The following SLC26A9 variants were observed in gnomAD, a reference collection of about 807,000 sequenced individuals.
SLC26A9 encodes solute carrier family 26 member 9.
SLC26A9 carries 46 observed loss-of-function variants against 87.1 expected under a neutral mutation model. The observed-to-expected ratio is 0.53, with a 90% CI of 0.42 to 0.67. SLC26A9 has a LOEUF of 0.67. Ranked by LOEUF, SLC26A9 falls within the 30% of genes least tolerant of loss-of-function variation. The pLI is 0.00. For missense variants in SLC26A9, 927 were observed against 1,018.3 expected, an observed-to-expected ratio of 0.91 and a Z score of 1.22; for synonymous variants, 437 against 409.1, an observed-to-expected ratio of 1.07 and a Z score of -0.82.
At chr1:205,936,498 T>G (rs1659515251) in intron 1 of SLC26A9, among the ~76,000 whole-genome samples, 1 of 152,046 alleles carries the variant, frequency 6.6e-6, no homozygotes. Flanking sequence ...CTGCCGCTCC[T>G]CTCCTCCTCA....
intron 2 of SLC26A9, 166 bp downstream of exon 2, chr1:205,935,530 G>T: frequency 9.0e-7 from 1 of 1,105,438 alleles, no homozygotes; most frequent in Non-Finnish European, 1.3e-6. Context: ...GGGGGTCTCA[G>T]TACAGATGAG....
intron 18 of SLC26A9, 144 bp from the exon 19 acceptor site, chr1:205,919,129 A>G (rs1658717141): frequency 2.0e-6 from 2 of 1,020,522 alleles, no homozygotes; most frequent in Non-Finnish European, 2.9e-6. Flanking sequence ...TGGCATTGGC[A>G]GTGCAATATC....
chr1:205,922,024 C>T (rs1449928107), intron 16 of SLC26A9, among the ~76,000 whole-genome samples, 177 bp from the exon 17 acceptor site: 1 of 152,196 alleles, frequency 6.6e-6, no homozygotes, highest in Non-Finnish European at 1.5e-5. Flanking sequence ...CTTTCTTAGG[C>T]AGGGCCTGCA....
intron 16 of SLC26A9, 68 bp downstream of exon 16, chr1:205,923,013 GA>G: frequency 6.8e-7 from 1 of 1,469,202 alleles, no homozygotes; most frequent in African/African-American, 1.4e-5. Context: ...AGGGTACCAT[GA>G]GTAACAGGGG....
At chr1:205,930,529 A>G (rs1261649682) in intron 5 of SLC26A9, among the ~76,000 whole-genome samples, 1 of 152,122 alleles carries the variant, frequency 6.6e-6, no homozygotes, top group Non-Finnish European at 1.5e-5. Flanking sequence ...GTCTCCCAAC[A>G]GGTCCCCTGC....
rs151247111 is a variant in SLC26A9 at position 205,930,682 on chromosome 1, G to T, written c.553-626C>A. Reference sequence around the variant, plus strand: ...CTGCCTACTTTTCCATCCTCTTCTGGGCCCTCTACCCTCCAGCCACACCAA... The same window carrying T: ...CTGCCTACTTTTCCATCCTCTTCTGTGCCCTCTACCCTCCAGCCACACCAA... On this transcript the variant is annotated intron_variant, in intron 5 of 20. Coordinates refer to ENST00000367135, the MANE Select transcript of SLC26A9 (RefSeq NM_052934.4). 7.9e-5 allele frequency among the ~76,000 whole-genome samples: 12 copies of T among 152,100 alleles called. 1 individual carries two copies. The highest frequency in any genetic ancestry group is 2.2e-4 in the African/African-American group (9 of 41,462).
At chr1:205,927,371 G>A in intron 10 of SLC26A9, 83 bp from the exon 11 acceptor site, 1 of 1,564,814 alleles carries the variant, frequency 6.4e-7, no homozygotes, top group African/African-American at 1.4e-5. Flanking sequence ...CTTTGGTGGA[G>A]TGGAGACTAA....
In SLC26A9 at chr1:205,915,381, G is replaced by T; in HGVS notation, c.2352C>A (p.His784Gln). Residue 784 changes from histidine to glutamine, a missense_variant, in exon 21 of 21, where the codon CAC (histidine) becomes CAA (glutamine). By Grantham distance (24) the His-to-Gln change is conservative. Coordinates refer to ENST00000367135, the MANE Select transcript of SLC26A9 (RefSeq NM_052934.4). ...LEQEMFGSMF[H>Q]AETLTAL ...CTCACAGGGCGGTCAGGGTCTCTGC[G>T]TGAAACATGCTCCCGAACATCTCCT... The T allele has an allele frequency of 6.2e-7, 1 of 1,614,128 alleles. No individual in the cohort carries two copies. Among genetic ancestry groups the T allele is most frequent in the Non-Finnish European group, 8.5e-7 (1 of 1,180,016 alleles).
chr1:205,942,787 C>T (rs1659804804), intron 1 of SLC26A9, among the ~76,000 whole-genome samples: 1 of 152,346 alleles, frequency 6.6e-6, no homozygotes, highest in South Asian at 2.1e-4. Flanking sequence ...TCCCACTCCT[C>T]AGTTTCCTCC....
rs375839810 is a variant in SLC26A9 at position 205,923,171 on chromosome 1, A to G, written c.1684T>C (p.Leu562=). The part of the protein sequence containing the change: ...AKTGMDPQKV[L]LAKQKYLKKQ... ...TTGAGGTATTTTTGCTTGGCTAGTA[A>G]TACTTTCTGGGGGTCCATGCCTGTC... Residue 562 remains leucine (L), a synonymous_variant, in exon 16 of 21, where the codon TTA becomes CTA. Coordinates refer to ENST00000367135, the MANE Select transcript of SLC26A9 (RefSeq NM_052934.4). 1.7e-5 allele frequency: 27 copies of G among 1,613,866 alleles called. No homozygotes were observed. Among genetic ancestry groups the G allele is most frequent in the Non-Finnish European group, 2.3e-5 (27 of 1,180,024 alleles).
chr1:205,923,098 A>G lies in SLC26A9; in HGVS notation c.1757T>C (p.Leu586Pro). 1.2e-6 allele frequency: 2 copies of G among 1,613,770 alleles called. No individual in the cohort carries two copies. The highest frequency in any genetic ancestry group is 1.7e-6 in the Non-Finnish European group (2 of 1,179,734). Reference protein sequence around the residue: ...RMRPTQQRRSLFMKTKTVSLQ... With the variant: ...RMRPTQQRRSPFMKTKTVSLQ... ...TTCATTCACCTTGGTTTTCATGAAT[A>G]GAGACCTCCTCTGTTGTGTGGGCCT... The change falls in exon 16 of 21, where the codon CTA becomes CCA. Residue 586 changes from leucine (L) to proline (P), a missense_variant. Leu to Pro is a moderately conservative substitution (Grantham distance 98, BLOSUM62 -3). Coordinates refer to ENST00000367135, the MANE Select transcript of SLC26A9 (RefSeq NM_052934.4).
At chr1:205,923,720 G>A in intron 13 of SLC26A9, 107 bp from the exon 14 acceptor site, 1 of 1,187,266 alleles carries the variant, frequency 8.4e-7, no homozygotes, top group Non-Finnish European at 1.2e-6. Context: ...ATGGGGTCCT[G>A]TCCTCACCCC....
intron 16 of SLC26A9, among the ~76,000 whole-genome samples, chr1:205,922,258 T>A (rs559310163): frequency 1.3e-5 from 2 of 152,198 alleles, no homozygotes; most frequent in Admixed American, 1.3e-4. Flanking sequence ...TGCCTCAGCC[T>A]CCTGAGTAGC....
intron 1 of SLC26A9, among the ~76,000 whole-genome samples, chr1:205,938,078 C>T (rs888989147): frequency 6.6e-6 from 1 of 152,014 alleles, no homozygotes. Context: ...GAGTTATTAG[C>T]ATCTGATTCC....
Position 205,929,898 on chromosome 1 carries a change from G to T in SLC26A9, c.711C>A (p.Ile237=). Residue 237 remains isoleucine, a synonymous_variant, in exon 6 of 21, where the codon ATC becomes ATA. Transcript: ENST00000367135. ...TIPSYTGPGS[I]VFTFIDICKN... is the part of the protein sequence containing the mutation. ...GGTGCATCCCCAGACTCACAAAGAC[G>T]ATGGACCCTGGGCCTGTGTAGGAGG... 6.3e-7 allele frequency: 1 copy of T among 1,592,098 alleles called. No homozygotes were observed. Among genetic ancestry groups the T allele is most frequent in the Non-Finnish European group, 8.6e-7 (1 of 1,162,376 alleles).
chr1:205,935,505 C>T, intron 2 of SLC26A9, 191 bp downstream of exon 2: 5 of 778,312 alleles, frequency 6.4e-6, no homozygotes, highest in Admixed American at 3.0e-5. Context: ...CTTGCTCCTG[C>T]TCCCCATCCT....
At chr1:205,919,099 C>T in intron 18 of SLC26A9, 114 bp from the exon 19 acceptor site, 1 of 1,325,994 alleles carries the variant, frequency 7.5e-7, no homozygotes, top group Non-Finnish European at 1.1e-6. Flanking sequence ...GGTCCCAGCT[C>T]TTGCTGTATC....
At chr1:205,925,070 G>A (rs930625308) in intron 12 of SLC26A9, among the ~76,000 whole-genome samples, 2 of 152,208 alleles carry the variant, frequency 1.3e-5, no homozygotes, top group Non-Finnish European at 2.9e-5. Flanking sequence ...CTAGATCACA[G>A]GTGTGAGTCA....
chr1:205,929,275 C>G lies in SLC26A9; in HGVS notation c.799G>C (p.Val267Leu), dbSNP rs1452012220. The stretch of plus-strand genomic sequence containing the variant: ...CGAGCATTGAGCTCCTTCACCAGCA[C>G]CAGGAAGGCACCGCTGATGAGAGCG... ...IFALISGAFL[V>L]LVKELNARYM... The change falls in exon 7 of 21, where the codon GTG (valine) becomes CTG (leucine). Residue 267 changes from valine (V) to leucine (L), a missense_variant. Physicochemically the swap from Val to Leu is conservative, Grantham distance 32. Transcript: ENST00000367135. The G allele has an allele frequency of 6.8e-6, 11 of 1,614,208 alleles. No homozygotes were observed. The highest frequency in any genetic ancestry group is 9.3e-6 in the Non-Finnish European group (11 of 1,180,040).
Sources: gnomAD v4.1 joint callset for allele counts (sites outside exome capture counted in the v4.1 genomes callset) on GRCh38, gnomAD v4.1.1 for gene constraint, MANE v1.5 for transcripts, NCBI Gene and HGNC (gene_info 2026-07-23, HGNC 2026-07-21) for gene names.